Variants in AMBRA1 observed in about 807,000 individuals in gnomAD.
The protein encoded by AMBRA1 is autophagy and beclin 1 regulator 1, also known as activating molecule in BECN1-regulated autophagy protein 1.
In AMBRA1, 47 loss-of-function variants were observed where a neutral mutation model predicts 125.4. That is an observed-to-expected ratio of 0.37 (90% CI 0.30 to 0.48). The LOEUF (loss-of-function observed/expected upper bound fraction) is 0.48, where lower values mean the gene tolerates loss of function less well. Ranked by LOEUF, AMBRA1 falls within the 20% of genes least tolerant of loss-of-function variation. The probability of loss-of-function intolerance (pLI) is 0.99; values close to 1 mark genes in which losing one functional copy is unlikely to be tolerated. For synonymous variants in AMBRA1, 626 were observed against 655.5 expected, an observed-to-expected ratio of 0.95 and a Z score of 0.69; for missense variants, 1,331 against 1,693.4, an observed-to-expected ratio of 0.79 and a Z score of 3.76.
intron 11 of AMBRA1, among the ~76,000 whole-genome samples, chr11:46,482,467 A>G (rs943701848): frequency 6.6e-5 from 10 of 152,150 alleles, no homozygotes; most frequent in Admixed American, 2.0e-4. Flanking sequence ...GGCACTAACT[A>G]TATCAATATG....
chr11:46,553,782 C>T (rs2043087563), intron 1 of AMBRA1, among the ~76,000 whole-genome samples: 1 of 151,748 alleles, frequency 6.6e-6, no homozygotes, highest in Non-Finnish European at 1.5e-5. Context: ...AAAAACTCAC[C>T]AAGTTCCTAG....
At chr11:46,517,358 G>C (rs1951538699) in intron 7 of AMBRA1, among the ~76,000 whole-genome samples, 1 of 150,164 alleles carries the variant, frequency 6.7e-6, no homozygotes, top group Admixed American at 6.6e-5. Flanking sequence ...ATGTTGGCTG[G>C]AGCTGGTCTC....
intron 11 of AMBRA1, among the ~76,000 whole-genome samples, chr11:46,448,163 T>C (rs1948403974): frequency 1.3e-5 from 2 of 152,124 alleles, no homozygotes; most frequent in South Asian, 4.2e-4. Flanking sequence ...TTGGCAACTT[T>C]CTCCTTGAAA....
chr11:46,426,479 A>G (rs1191660316), intron 14 of AMBRA1, among the ~76,000 whole-genome samples: 5 of 152,248 alleles, frequency 3.3e-5, no homozygotes, highest in Admixed American at 6.5e-5. Flanking sequence ...AAAATGCAGC[A>G]TAGACTGCAC....
intron 1 of AMBRA1, among the ~76,000 whole-genome samples, chr11:46,593,502 A>G (rs1055870932): frequency 6.6e-6 from 1 of 151,976 alleles, no homozygotes; most frequent in Non-Finnish European, 1.5e-5. Flanking sequence ...GGGTGGGGGG[A>G]AAAGGAGAAA....
At chr11:46,452,303 T>C (rs1216506131) in intron 11 of AMBRA1, among the ~76,000 whole-genome samples, 1 of 152,214 alleles carries the variant, frequency 6.6e-6, no homozygotes. Context: ...GTGTCTTATG[T>C]ACATTTTAAA....
chr11:46,468,825 A>AAAAGAAAAAAGAAAAAGAGAG (rs1949447367), intron 11 of AMBRA1, among the ~76,000 whole-genome samples: 2 of 150,990 alleles, frequency 1.3e-5, no homozygotes, highest in African/African-American at 4.9e-5. Context: ...AAAAAAAAAA[A>AAAAGAAAAAAGAAAAAGAGAG]AAAGAAAAAA....
chr11:46,551,606 C>T (rs867514998), intron 1 of AMBRA1, among the ~76,000 whole-genome samples: 1 of 152,328 alleles, frequency 6.6e-6, no homozygotes, highest in Middle Eastern at 3.4e-3. Context: ...CGCGATGGCT[C>T]ACGCCTGTAA....
At chr11:46,416,003 G>C (rs975552369) in intron 15 of AMBRA1, among the ~76,000 whole-genome samples, 2 of 152,228 alleles carry the variant, frequency 1.3e-5, no homozygotes, top group Non-Finnish European at 2.9e-5. Context: ...ACTGGGTGTA[G>C]ATTATTTTTG....
At position 46,434,933 on chromosome 11, in the gene AMBRA1, T is replaced by C. The variant is rs1419913008; in HGVS notation, c.2737A>G (p.Arg913Gly). Residue 913 changes from arginine to glycine, a missense_variant, in exon 13 of 18, where the codon AGG becomes GGG. This residue lies in a region of AMBRA1 where 354 missense variants were observed against 532.7 expected (regional missense o/e 0.66). Transcript: ENST00000683756. ...AGGATGCCTTCATCAGGAAAGCCCC[T>C]CTGGCTGCTGGGGATGAAAGCTGCC... is the stretch of plus-strand genomic sequence containing the variant. ...LLAAFIPSSQ[R>G]GFPDEGILAV... is the part of the protein sequence containing the mutation. The C allele has an allele frequency of 2.5e-6, 4 of 1,613,970 alleles. No individual in the cohort carries two copies. The highest frequency in any genetic ancestry group is 3.4e-6 in the Non-Finnish European group (4 of 1,180,010).
intron 14 of AMBRA1, among the ~76,000 whole-genome samples, chr11:46,424,790 T>C (rs758176455): frequency 2.0e-5 from 3 of 152,060 alleles, no homozygotes; most frequent in Admixed American, 6.5e-5. Flanking sequence ...CAGTGGGCTA[T>C]GATAGTGCCA....
At chr11:46,444,003 T>C (rs1948149240) in intron 11 of AMBRA1, among the ~76,000 whole-genome samples, 1 of 152,238 alleles carries the variant, frequency 6.6e-6, no homozygotes, top group African/African-American at 2.4e-5. Context: ...TTTCAGTCCC[T>C]GGACATCCTG....
chr11:46,462,234 AC>A (rs1949124065), intron 11 of AMBRA1, among the ~76,000 whole-genome samples: 1 of 152,332 alleles, frequency 6.6e-6, no homozygotes, highest in African/African-American at 2.4e-5. Context: ...GTGTAAGCAC[AC>A]ACCTTTTTAA....
Position 46,397,378 on chromosome 11 carries a change from A to T in AMBRA1, c.*72T>A. On this transcript the variant is annotated 3_prime_UTR_variant, in exon 18 of 18. Coordinates refer to ENST00000683756, the MANE Select transcript of AMBRA1 (RefSeq NM_001387011.1). ...CAGCCAGCAGCTCTTCCACATGTCC[A>T]GTTCCCAGTCAGCTGTGAGGTCCGG... 2 of 1,432,854 alleles carry T rather than the reference A, an allele frequency of 1.4e-6. No homozygotes were observed. The highest frequency in any genetic ancestry group is 1.8e-6 in the Non-Finnish European group (2 of 1,092,886). 88.8% of individuals were successfully genotyped at this position (1,432,854 alleles called of 1,614,324 possible).
At chr11:46,467,573 G>A (rs575437795) in intron 11 of AMBRA1, among the ~76,000 whole-genome samples, 8 of 146,694 alleles carry the variant, frequency 5.5e-5, no homozygotes, top group African/African-American at 7.6e-5. Flanking sequence ...TTTTGGGATG[G>A]AGTCTCACTC....
chr11:46,591,668 G>T (rs963273144), intron 1 of AMBRA1, among the ~76,000 whole-genome samples: 2 of 151,864 alleles, frequency 1.3e-5, no homozygotes, highest in East Asian at 3.9e-4. Flanking sequence ...CAGCCTGGCC[G>T]AGATGGTAAA....
At chr11:46,462,142 T>C (rs1206965788) in intron 11 of AMBRA1, among the ~76,000 whole-genome samples, 1 of 152,230 alleles carries the variant, frequency 6.6e-6, no homozygotes. Context: ...TTTCCTTTTC[T>C]GTCAGAGCTG....
intron 7 of AMBRA1, among the ~76,000 whole-genome samples, chr11:46,516,188 C>G (rs949731171): frequency 6.6e-6 from 1 of 152,044 alleles, no homozygotes; most frequent in African/African-American, 2.4e-5. Context: ...GTGGAACTGG[C>G]AAGCCACATA....
At chr11:46,441,309 T>C (rs1947990863) in intron 12 of AMBRA1, among the ~76,000 whole-genome samples, 1 of 151,444 alleles carries the variant, frequency 6.6e-6, no homozygotes, top group Non-Finnish European at 1.5e-5. Flanking sequence ...AGGTCAGGAG[T>C]TCGAGACCAG....
Sources: allele counts gnomAD v4.1 joint callset (sites outside exome capture counted in the v4.1 genomes callset), GRCh38; gene constraint gnomAD v4.1.1; regional missense constraint gnomAD v4.1.1; transcripts MANE v1.5; gene names NCBI Gene and HGNC (gene_info 2026-07-23, HGNC 2026-07-21).